Variants in GPC5 observed in about 807,000 individuals in gnomAD.
GPC5 encodes glypican 5.
A neutral mutation model predicts 53.9 loss-of-function variants in GPC5; 47 were observed. That is an observed-to-expected ratio of 0.87 (90% CI 0.69 to 1.11). GPC5 has a LOEUF of 1.11. Among genes scored for constraint, GPC5 ranks in the 50% most tolerant of loss-of-function variants. GPC5 has a pLI of 0.00. For missense variants in GPC5, 748 were observed against 713.1 expected (o/e 1.05, Z -0.56); for synonymous variants, 286 against 263.3 (o/e 1.09, Z -0.84).
chr13:92,666,219 A>C (rs1886559810), intron 7 of GPC5, among the ~76,000 whole-genome samples: 3 of 152,196 alleles, frequency 2.0e-5, no homozygotes, highest in Admixed American at 2.0e-4. Flanking sequence ...ATATATTAAC[A>C]ATGGATTTTT....
intron 7 of GPC5, among the ~76,000 whole-genome samples, chr13:92,577,444 G>GTGTGTT (rs1883224977): frequency 6.6e-6 from 1 of 151,902 alleles, no homozygotes; most frequent in Non-Finnish European, 1.5e-5. Context: ...GTGTGTGTGT[G>GTGTGTT]TGTGTGTCAA....
chr13:91,574,323 G>T (rs1020108841), intron 2 of GPC5, among the ~76,000 whole-genome samples: 4 of 152,134 alleles, frequency 2.6e-5, no homozygotes, highest in African/African-American at 4.8e-5. Context: ...TGTAAGATAA[G>T]ATATGATTTA....
chr13:92,824,445 T>G (rs900864440), intron 7 of GPC5, among the ~76,000 whole-genome samples: 3 of 152,134 alleles, frequency 2.0e-5, no homozygotes, highest in Non-Finnish European at 4.4e-5. Flanking sequence ...GACATTTCCC[T>G]TCTCTTGCTT....
chr13:91,679,357 A>C (rs2035456010), intron 2 of GPC5, among the ~76,000 whole-genome samples: 1 of 152,166 alleles, frequency 6.6e-6, no homozygotes, highest in African/African-American at 2.4e-5. Flanking sequence ...ATACAAAATA[A>C]GGAGGTCAGA....
intron 1 of GPC5, among the ~76,000 whole-genome samples, chr13:91,426,929 C>T (rs747217423): frequency 2.6e-5 from 4 of 152,162 alleles, no homozygotes; most frequent in Non-Finnish European, 4.4e-5. Context: ...CTAAAAGGGG[C>T]CAATGTACAA....
At chr13:92,189,515 C>A (rs1446720087) in intron 7 of GPC5, among the ~76,000 whole-genome samples, 1 of 152,158 alleles carries the variant, frequency 6.6e-6, no homozygotes, top group African/African-American at 2.4e-5. Flanking sequence ...GTTCCCCCTC[C>A]AGCATGCCAC....
At chr13:92,439,757 A>G (rs1436677176) in intron 7 of GPC5, among the ~76,000 whole-genome samples, 1 of 152,180 alleles carries the variant, frequency 6.6e-6, no homozygotes, top group Non-Finnish European at 1.5e-5. Context: ...CAAAATTACC[A>G]GCTATGGCCA....
intron 7 of GPC5, among the ~76,000 whole-genome samples, chr13:92,731,050 A>G (rs1184831375): frequency 6.6e-6 from 1 of 151,472 alleles, no homozygotes; most frequent in East Asian, 1.9e-4. Flanking sequence ...AAAGGCCAGC[A>G]TATAGTCTTC....
intron 5 of GPC5, among the ~76,000 whole-genome samples, chr13:91,885,872 C>A (rs2039316301): frequency 6.6e-6 from 1 of 152,150 alleles, no homozygotes; most frequent in Non-Finnish European, 1.5e-5. Context: ...TCTATAGTTT[C>A]TTATGGTTTG....
At chr13:91,700,641 T>A (rs1306970694) in intron 3 of GPC5, among the ~76,000 whole-genome samples, 1 of 152,212 alleles carries the variant, frequency 6.6e-6, no homozygotes, top group Non-Finnish European at 1.5e-5. Context: ...GTCTTGGCCA[T>A]CTTTGCCTTT....
At chr13:91,590,298 C>T (rs142460946) in intron 2 of GPC5, among the ~76,000 whole-genome samples, 60 of 151,962 alleles carry the variant, frequency 3.9e-4, no homozygotes, top group African/African-American at 1.1e-3. Context: ...TTGATTATTA[C>T]GGCTTATTTC....
intron 7 of GPC5, among the ~76,000 whole-genome samples, chr13:92,753,244 G>A (rs1433592996): frequency 1.3e-5 from 2 of 152,126 alleles, no homozygotes; most frequent in Non-Finnish European, 2.9e-5. Flanking sequence ...ACCTCACACG[G>A]CAGGGTACTC....
chr13:92,348,360 G>T (rs952591238), intron 7 of GPC5, among the ~76,000 whole-genome samples: 1 of 151,814 alleles, frequency 6.6e-6, no homozygotes, highest in African/African-American at 2.4e-5. Context: ...TAATAAAGGG[G>T]TCAATTTATC....
At chr13:91,582,126 G>A (rs1423127107) in intron 2 of GPC5, among the ~76,000 whole-genome samples, 1 of 152,118 alleles carries the variant, frequency 6.6e-6, no homozygotes, top group Non-Finnish European at 1.5e-5. Flanking sequence ...GCTGCAGTGG[G>A]GGAATAGAAC....
intron 2 of GPC5, among the ~76,000 whole-genome samples, chr13:91,627,601 A>G (rs553935556): frequency 1.3e-5 from 2 of 152,236 alleles, no homozygotes; most frequent in East Asian, 3.9e-4. Context: ...TAATAATAAA[A>G]AGGATTATTT....
rs9561070 is a variant in GPC5 at position 92,488,607 on chromosome 13, G to A, written c.1561+343618G>A. Among the ~76,000 whole-genome samples the A allele has an allele frequency of 1.6e-3, 238 of 152,166 alleles. 2 individuals are homozygous for A. The East Asian group carries it at 0.028, about 18-fold the overall frequency. On this transcript the variant is annotated intron_variant, in intron 7 of 7. Transcript: ENST00000377067. The stretch of plus-strand genomic sequence containing the variant: ...CTTGTGAAGTGCTATCATTTTTGTT[G>A]TTTGCTAATAGTCCTGTAAGGCAGA...
In GPC5 at chr13:91,850,958, A is replaced by G. The variant is rs556895867; in HGVS notation, c.1281-56979A>G. On this transcript the variant is annotated intron_variant, in intron 5 of 7. Transcript: ENST00000377067. ...AGAAATATTGAGTCCAGGAAATACA[A>G]GCTAGACACATACCTGCCTCTTTGG... 3.9e-5 allele frequency among the ~76,000 whole-genome samples: 6 copies of G among 152,316 alleles called. No individual in the cohort carries two copies. In the East Asian group the frequency reaches 1.2e-3, roughly 29 times the overall value.
intron 7 of GPC5, among the ~76,000 whole-genome samples, chr13:92,284,102 A>G (rs1401749083): frequency 2.0e-5 from 3 of 152,216 alleles, no homozygotes; most frequent in Non-Finnish European, 2.9e-5. Flanking sequence ...AGAGAATACT[A>G]TGAAACACCT....
At chr13:91,705,676 A>G (rs1457686311) in intron 3 of GPC5, among the ~76,000 whole-genome samples, 2 of 149,794 alleles carry the variant, frequency 1.3e-5, no homozygotes, top group African/African-American at 5.0e-5. Flanking sequence ...ACTTGGGTGG[A>G]GAAGGACTCT....
Sources: allele counts gnomAD v4.1 joint callset (sites outside exome capture counted in the v4.1 genomes callset), GRCh38; gene constraint gnomAD v4.1.1; transcripts MANE v1.5; gene names NCBI Gene and HGNC (gene_info 2026-07-23, HGNC 2026-07-21).